Variants in CLSTN3 observed in about 807,000 individuals in gnomAD.
CLSTN3 encodes the protein calsyntenin-3.
A neutral mutation model predicts 95.9 loss-of-function variants in CLSTN3; 36 were observed. The ratio of observed to expected loss-of-function variants is 0.38; its 90% CI spans 0.29 to 0.50. The LOEUF is 0.50. Ranked by LOEUF, CLSTN3 falls within the 20% of genes least tolerant of loss-of-function variation. The pLI, the probability that CLSTN3 is intolerant of heterozygous loss-of-function variation, is 0.95. For synonymous variants in CLSTN3, 481 were observed against 504.0 expected, an observed-to-expected ratio of 0.95 and a Z score of 0.61; for missense variants, 1,084 against 1,268.8, an observed-to-expected ratio of 0.85 and a Z score of 2.21.
upstream of CLSTN3, chr12:7,129,369 TCAGAGCTCCC>T (rs1384532687): frequency 6.0e-6 from 1 of 166,048 alleles, no homozygotes; most frequent in African/African-American, 2.4e-5. The surrounding 1 kb of genome is among the most constrained non-coding windows in gnomAD (Gnocchi z 5.5). Flanking sequence ...GGCCTGGCTC[TCAGAGCTCCC>T]TCAGGTAGTG....
chr12:7,148,936 G>A (rs557703290), intron 12 of CLSTN3, 36 bp from the exon 13 acceptor site: 1 of 1,568,292 alleles, frequency 6.4e-7, no homozygotes, highest in Non-Finnish European at 8.8e-7. Flanking sequence ...AGGAAGTGTT[G>A]GGGTCACATG....
chr12:7,136,128 A>G (rs1939410462), intron 5 of CLSTN3, 78 bp from the exon 6 acceptor site: 2 of 1,543,226 alleles, frequency 1.3e-6, no homozygotes, highest in African/African-American at 1.4e-5. Context: ...GTCCATGGAC[A>G]TGGCAAGAGG....
chr12:7,147,981 C>T (rs747197967), intron 12 of CLSTN3, among the ~76,000 whole-genome samples: 1 of 152,170 alleles, frequency 6.6e-6, no homozygotes, highest in South Asian at 2.1e-4. Flanking sequence ...ATGAAGAAAT[C>T]TCATCTCTAC....
In CLSTN3 at chr12:7,149,110, C is replaced by A. The variant is rs753658791; in HGVS notation, c.1986C>A (p.Asn662Lys). ...ARPAVDFEGTNGVPLFPDLQI... is the reference protein window; with the variant it reads ...ARPAVDFEGTKGVPLFPDLQI... The stretch of plus-strand genomic sequence containing the variant: ...CAGCTGTGGACTTTGAGGGAACCAA[C>A]GGCGTCCCTTTGTTCCCTGATCTTC... Residue 662 changes from asparagine (N) to lysine (K), a missense_variant, in exon 13 of 18, where the codon AAC becomes AAA. By Grantham distance (94) the Asn-to-Lys change is moderately conservative (BLOSUM62 0). Coordinates refer to ENST00000266546, the MANE Select transcript of CLSTN3 (RefSeq NM_014718.4). The surrounding 1 kb of genome is among the most constrained non-coding windows in gnomAD (Gnocchi z 4.5). The A allele has an allele frequency of 6.2e-7, 1 of 1,614,182 alleles. No homozygotes were observed. Among genetic ancestry groups the A allele is most frequent in the Non-Finnish European group, 8.5e-7 (1 of 1,180,032 alleles).
intron 10 of CLSTN3, 66 bp downstream of exon 10, chr12:7,142,205 T>C: frequency 1.4e-6 from 2 of 1,385,872 alleles, no homozygotes; most frequent in Admixed American, 1.9e-5. Flanking sequence ...TGAGATCCCT[T>C]TTCCACCCCA....
Position 7,141,019 on chromosome 12 carries a change from C to A in CLSTN3, c.1324-223C>A, listed in dbSNP as rs903311858. On this transcript the variant is annotated intron_variant, in intron 8 of 17. Transcript: ENST00000266546. The surrounding 1 kb of genome is among the most constrained non-coding windows in gnomAD (Gnocchi z 4.1). ...GAATATTTATAGCTTTAACGATTTA[C>A]CTGAAGAGTGGAATCTTTGCTACTA... 6.6e-6 allele frequency among the ~76,000 whole-genome samples: 1 copy of A among 152,158 alleles called. No individual in the cohort carries two copies. The highest frequency in any genetic ancestry group is 2.4e-5 in the African/African-American group (1 of 41,414).
intron 12 of CLSTN3, among the ~76,000 whole-genome samples, chr12:7,146,370 A>G (rs1939621370): frequency 6.6e-6 from 1 of 152,112 alleles, no homozygotes; most frequent in Admixed American, 6.6e-5. Context: ...ACTGCATTCC[A>G]GCCTGGGCGA....
rs994722238 is a variant in CLSTN3 at position 7,132,822 on chromosome 12, G to A, written c.65-202G>A. On this transcript the variant is annotated intron_variant, in intron 1 of 17. Transcript: ENST00000266546. ...AACTGTCTACCCTGCTATAGGAGAA[G>A]GCTATGACCTCCCGCAGACCCTCTG... is the stretch of plus-strand genomic sequence containing the variant. The A allele has an allele frequency of 1.7e-5, 11 of 663,224 alleles. No individual in the cohort carries two copies. In the South Asian group the frequency reaches 1.7e-4, roughly 10 times the overall value. The allele number at this position is 663,224 out of a possible 1,614,324, so 41.1% of individuals were successfully genotyped here. A position where few individuals can be genotyped will look rare whatever the true frequency, so the allele number is the denominator to read the frequency against.
At chr12:7,146,418 G>GA (rs999436012) in intron 12 of CLSTN3, among the ~76,000 whole-genome samples, 42 of 145,184 alleles carry the variant, frequency 2.9e-4, no homozygotes, top group Admixed American at 1.4e-3. Flanking sequence ...TAGAGAGAGA[G>GA]AAAAAAAAAA....
At chr12:7,144,752 G>T (rs1939594008) in intron 12 of CLSTN3, among the ~76,000 whole-genome samples, 1 of 152,160 alleles carries the variant, frequency 6.6e-6, no homozygotes, top group Non-Finnish European at 1.5e-5. Flanking sequence ...TCCTGGGAGG[G>T]GTGGGTTTAG....
At chr12:7,146,320 A>G (rs1008383794) in intron 12 of CLSTN3, among the ~76,000 whole-genome samples, 80 of 152,222 alleles carry the variant, frequency 5.3e-4, no homozygotes, top group African/African-American at 1.7e-3. Context: ...GAATCACTTG[A>G]GCCCAGGAGT....
rs373510410 is a variant in CLSTN3 at position 7,133,067 on chromosome 12, C to T, written c.108C>T (p.Ile36=). 12 of 1,613,828 alleles carry T rather than the reference C, an allele frequency of 7.4e-6. No individual in the cohort carries two copies. Among genetic ancestry groups the T allele is most frequent in the African/African-American group, 4.0e-5 (3 of 74,892 alleles). ...GGATTGAGGCAGAGTACCAGGGCAT[C>T]GTCATGGAGAATGACAACACGGTCC... ...KPWIEAEYQG[I]VMENDNTVLL... The change falls in exon 2 of 18, where the codon ATC becomes ATT. Residue 36 remains isoleucine, a synonymous_variant. Transcript: ENST00000266546. The surrounding 1 kb of genome is among the most constrained non-coding windows in gnomAD (Gnocchi z 4.7).
intron 3 of CLSTN3, 122 bp from the exon 4 acceptor site, chr12:7,135,205 C>A: frequency 1.1e-6 from 1 of 882,190 alleles, no homozygotes. Flanking sequence ...CGTATCAAGG[C>A]TGTATCTTGA....
At position 7,149,041 on chromosome 12, in the gene CLSTN3, C is replaced by T. The variant is rs144078453; in HGVS notation, c.1917C>T (p.Asp639=). 212 of 1,614,058 alleles carry T rather than the reference C, an allele frequency of 1.3e-4. No individual in the cohort carries two copies. Among genetic ancestry groups the T allele is most frequent in the East Asian group, 3.3e-4 (15 of 44,900 alleles). ...VEGYVVVLQP[D]APQILLSGTA... ...GCTACGTGGTCGTCCTTCAGCCTGA[C>T]GCCCCCCAGATCCTGCTGAGTGGCA... The change falls in exon 13 of 18, where the codon GAC becomes GAT. Residue 639 remains aspartate, a synonymous_variant. Coordinates refer to ENST00000266546, the MANE Select transcript of CLSTN3 (RefSeq NM_014718.4). The surrounding 1 kb of genome is among the most constrained non-coding windows in gnomAD (Gnocchi z 4.5).
chr12:7,150,826 G>A lies in CLSTN3; in HGVS notation c.2392-102G>A. The A allele has an allele frequency of 6.5e-7, 1 of 1,546,782 alleles. No individual in the cohort carries two copies. The highest frequency in any genetic ancestry group is 1.8e-5 in the Admixed American group (1 of 55,868). ...GCTGGACCTTGCAGTGGGTGGAGGA[G>A]AAGGAGATGGGGGCAGTAGTTAGGA... On this transcript the variant is annotated intron_variant, in intron 15 of 17. Coordinates refer to ENST00000266546, the MANE Select transcript of CLSTN3 (RefSeq NM_014718.4). This position sits in a 1 kb window ranked among gnomAD's most constrained non-coding sequence, Gnocchi z 4.0.
Position 7,133,447 on chromosome 12 carries a change from C to A in CLSTN3, c.188-126C>A. ...AGAGTTGCGTGTTTGATCATTAATG[C>A]TTTTGTGCCTACAGGAGAAGGGACA... On this transcript the variant is annotated intron_variant, in intron 2 of 17. Coordinates refer to ENST00000266546, the MANE Select transcript of CLSTN3 (RefSeq NM_014718.4). This position sits in a 1 kb window ranked among gnomAD's most constrained non-coding sequence, Gnocchi z 4.7. The A allele has an allele frequency of 1.1e-6, 1 of 949,326 alleles. No individual in the cohort carries two copies. Among genetic ancestry groups the A allele is most frequent in the Non-Finnish European group, 1.6e-6 (1 of 627,968 alleles). 58.8% of individuals were successfully genotyped at this position (949,326 alleles called of 1,614,324 possible).
chr12:7,135,827 C>T lies in CLSTN3; in HGVS notation c.616C>T (p.Leu206=). 5 of 1,611,440 alleles carry T rather than the reference C, an allele frequency of 3.1e-6. No homozygotes were observed. Among genetic ancestry groups the T allele is most frequent in the Non-Finnish European group, 3.4e-6 (4 of 1,178,750 alleles). ...AGGGAACATTGAGAACACAGAGAAG[C>T]TGCAGTACAGTGGTGAGAGGCTCTA... ...NDGNIENTEK[L]QYSGERLYKF... is the part of the protein sequence containing the mutation. The change falls in exon 5 of 18, where the codon CTG becomes TTG. Residue 206 remains leucine, a synonymous_variant. Transcript: ENST00000266546.
Position 7,157,143 on chromosome 12 carries a change from G to A in CLSTN3, c.2528-346G>A, listed in dbSNP as rs1010505112. Among the ~76,000 whole-genome samples the A allele has an allele frequency of 1.3e-5, 2 of 152,186 alleles. No homozygotes were observed. Among genetic ancestry groups the A allele is most frequent in the Non-Finnish European group, 2.9e-5 (2 of 68,038 alleles). On this transcript the variant is annotated intron_variant, in intron 16 of 17. Transcript: ENST00000266546. The surrounding 1 kb of genome is among the most constrained non-coding windows in gnomAD (Gnocchi z 5.9). The stretch of plus-strand genomic sequence containing the variant: ...GGAAGGCACAGGTGGAATGACAGGG[G>A]CAGATTCCAGTCCTTGCCCTCTGTC...
chr12:7,145,349 G>A, intron 12 of CLSTN3, among the ~76,000 whole-genome samples: 1 of 1,716 alleles, frequency 5.8e-4, no homozygotes, highest in East Asian at 0.062. Context: ...ATAGAGGGGT[G>A]TGTGTGTGTG....
Sources: allele counts gnomAD v4.1 joint callset (sites outside exome capture counted in the v4.1 genomes callset), GRCh38; gene constraint gnomAD v4.1.1; non-coding constraint Gnocchi (gnomAD v3.1); transcripts MANE v1.5; gene names NCBI Gene and HGNC (gene_info 2026-07-23, HGNC 2026-07-21).